The following ZFHX4 variants were observed in gnomAD, a reference collection of about 807,000 sequenced individuals.
ZFHX4 encodes zinc finger homeobox protein 4.
A neutral mutation model predicts 267.6 loss-of-function variants in ZFHX4; 56 were observed. The observed-to-expected ratio is 0.21, with a 90% CI of 0.17 to 0.26. ZFHX4 has a LOEUF of 0.26. Among genes scored for constraint, ZFHX4 ranks in the 10% least tolerant of loss-of-function variants. ZFHX4 has a pLI of 1.00. For missense variants in ZFHX4, 4,332 were observed against 4,420.0 expected, an observed-to-expected ratio of 0.98 and a Z score of 0.56; for synonymous variants, 1,778 against 1,665.6, an observed-to-expected ratio of 1.07 and a Z score of -1.64.
intron 3 of ZFHX4, among the ~76,000 whole-genome samples, chr8:76,761,594 A>T (rs1017747704): frequency 1.3e-5 from 2 of 152,206 alleles, no homozygotes; most frequent in Admixed American, 1.3e-4. Context: ...ACTTCAGTAT[A>T]GTAAGGGAGG....
Position 76,705,049 on chromosome 8 carries a change from A to G in ZFHX4, c.961A>G (p.Ile321Val), listed in dbSNP as rs1204161129. 2.5e-6 allele frequency: 4 copies of G among 1,614,000 alleles called. No homozygotes were observed. Among genetic ancestry groups the G allele is most frequent in the African/African-American group, 2.7e-5 (2 of 75,054 alleles). Residue 321 changes from isoleucine (I) to valine (V), a missense_variant, in exon 2 of 11, where the codon ATA (isoleucine) becomes GTA (valine). Coordinates refer to ENST00000651372, the MANE Select transcript of ZFHX4 (RefSeq NM_024721.5). ...KLLSNKCVSA[I>V]IQGIGKDKEP... ...CCTCAGTAATAAATGCGTCTCCGCC[A>G]TAATACAGGGGATTGGCAAAGACAA...
At chr8:76,824,192 A>G (rs950880931) in intron 4 of ZFHX4, among the ~76,000 whole-genome samples, 3 of 152,354 alleles carry the variant, frequency 2.0e-5, no homozygotes, top group South Asian at 4.1e-4. Context: ...TGAAAGCTCT[A>G]AAGTATTATC....
chr8:76,829,388 T>C (rs952042495), intron 4 of ZFHX4, among the ~76,000 whole-genome samples: 4 of 151,814 alleles, frequency 2.6e-5, no homozygotes, highest in Non-Finnish European at 1.5e-5. Flanking sequence ...AAATATTGCT[T>C]GTACAGGGAA....
chr8:76,842,815 T>G, intron 6 of ZFHX4, 44 bp downstream of exon 6: 1 of 1,355,890 alleles, frequency 7.4e-7, no homozygotes, highest in Non-Finnish European at 1.0e-6. Flanking sequence ...CCTATACCCA[T>G]TCCCTGCCAT....
chr8:76,746,533 G>A (rs1354279775), intron 3 of ZFHX4, among the ~76,000 whole-genome samples: 3 of 152,256 alleles, frequency 2.0e-5, no homozygotes, highest in East Asian at 3.9e-4. Flanking sequence ...TGAAATGCAA[G>A]TTTTTATTCA....
In ZFHX4 at chr8:76,849,020, A is replaced by G. The variant is rs1311969762; in HGVS notation, c.3537A>G (p.Leu1179=). The G allele has an allele frequency of 6.4e-7, 1 of 1,552,880 alleles. No individual in the cohort carries two copies. The highest frequency in any genetic ancestry group is 1.4e-5 in the African/African-American group (1 of 72,966). The change falls in exon 7 of 11, where the codon CTA becomes CTG. Residue 1179 remains leucine, a synonymous_variant. Coordinates refer to ENST00000651372, the MANE Select transcript of ZFHX4 (RefSeq NM_024721.5). ...DSGIITPEKE[L]KVSVAGGTQP... ...GGATAATCACACCAGAGAAGGAACT[A>G]AAAGTTAGTGTGGCAGGGGGTACCC... is the stretch of plus-strand genomic sequence containing the variant.
intron 10 of ZFHX4, among the ~76,000 whole-genome samples, chr8:76,857,748 G>A (rs538939412): frequency 6.6e-6 from 1 of 151,996 alleles, no homozygotes; most frequent in East Asian, 1.9e-4. Context: ...GACAATTTTG[G>A]AGTCTTAAAT....
At chr8:76,818,885 C>G (rs528150072) in intron 4 of ZFHX4, among the ~76,000 whole-genome samples, 3 of 151,994 alleles carry the variant, frequency 2.0e-5, no homozygotes, top group Admixed American at 6.6e-5. Context: ...ACACTGCACT[C>G]CAGCCTAGGT....
intron 3 of ZFHX4, among the ~76,000 whole-genome samples, chr8:76,762,658 C>G (rs569210717): frequency 4.6e-5 from 7 of 152,106 alleles, no homozygotes; most frequent in Admixed American, 4.6e-4. Flanking sequence ...TAAATATACA[C>G]AGAGCTAATT....
Position 76,852,714 on chromosome 8 carries a change from A to G in ZFHX4, c.5793A>G (p.Val1931=). The change falls in exon 10 of 11, where the codon GTA becomes GTG. Residue 1931 remains valine (V), a synonymous_variant. Coordinates refer to ENST00000651372, the MANE Select transcript of ZFHX4 (RefSeq NM_024721.5). ...AGTATAACGAAAACAGGCAGAAGGTACAGAAGAAGGGCAAAAGTGGTGAAG... is the reference window on the plus strand; with the variant it reads ...AGTATAACGAAAACAGGCAGAAGGTGCAGAAGAAGGGCAAAAGTGGTGAAG... ...VIQYNENRQK[V]QKKGKSGEGE... is the part of the protein sequence containing the mutation. 6.2e-7 allele frequency: 1 copy of G among 1,613,912 alleles called. No homozygotes were observed. Among genetic ancestry groups the G allele is most frequent in the South Asian group, 1.1e-5 (1 of 91,064 alleles).
chr8:76,834,950 T>A (rs2131894842), intron 5 of ZFHX4, among the ~76,000 whole-genome samples: 1 of 150,304 alleles, frequency 6.7e-6, no homozygotes, highest in Non-Finnish European at 1.5e-5. Context: ...TCTGGACTCT[T>A]TTTTTTTTCT....
intron 4 of ZFHX4, among the ~76,000 whole-genome samples, chr8:76,785,591 T>C (rs1810665930): frequency 6.6e-6 from 1 of 152,168 alleles, no homozygotes; most frequent in Admixed American, 6.5e-5. Context: ...TATGTTTTCA[T>C]TGGGTAGGTT....
intron 4 of ZFHX4, among the ~76,000 whole-genome samples, chr8:76,817,691 A>G (rs1199006479): frequency 1.3e-5 from 2 of 152,194 alleles, no homozygotes; most frequent in African/African-American, 4.8e-5. Context: ...AGAAAAGGAG[A>G]AAGAATTGCT....
At chr8:76,776,090 T>G (rs1238720207) in intron 3 of ZFHX4, among the ~76,000 whole-genome samples, 1 of 151,954 alleles carries the variant, frequency 6.6e-6, no homozygotes, top group Non-Finnish European at 1.5e-5. Context: ...TGGTACCATT[T>G]TTAATTCACT....
At chr8:76,828,165 G>C (rs866107347) in intron 4 of ZFHX4, among the ~76,000 whole-genome samples, 9 of 152,186 alleles carry the variant, frequency 5.9e-5, no homozygotes, top group Middle Eastern at 3.4e-3. Context: ...AGAGGGCATT[G>C]TTAAAATATC....
chr8:76,773,377 A>G (rs988479615), intron 3 of ZFHX4, among the ~76,000 whole-genome samples: 5 of 152,214 alleles, frequency 3.3e-5, no homozygotes, highest in African/African-American at 1.2e-4. Context: ...ATACATCTTT[A>G]AATAATATCT....
intron 1 of ZFHX4, among the ~76,000 whole-genome samples, chr8:76,690,921 A>C (rs1044762024): frequency 6.6e-6 from 1 of 152,062 alleles, no homozygotes; most frequent in African/African-American, 2.4e-5. Context: ...GAAATTACCA[A>C]AATGCCAGAG....
chr8:76,790,749 G>A (rs956854855), intron 4 of ZFHX4, among the ~76,000 whole-genome samples: 3 of 152,134 alleles, frequency 2.0e-5, no homozygotes, highest in Non-Finnish European at 2.9e-5. Context: ...TTGTGTGTGT[G>A]TGTGTAATGT....
intron 6 of ZFHX4, among the ~76,000 whole-genome samples, chr8:76,847,379 G>A (rs1034679677): frequency 1.3e-5 from 2 of 151,858 alleles, no homozygotes; most frequent in Non-Finnish European, 2.9e-5. Flanking sequence ...TTGGATTTAA[G>A]TTCATTCAAA....
Sources: gnomAD v4.1 joint callset for allele counts (sites outside exome capture counted in the v4.1 genomes callset) on GRCh38, gnomAD v4.1.1 for gene constraint, MANE v1.5 for transcripts, NCBI Gene and HGNC (gene_info 2026-07-23, HGNC 2026-07-21) for gene names.